Variants in TEX15 observed in about 807,000 individuals in gnomAD.
The protein encoded by TEX15 is testis expressed 15, meiosis and synapsis associated.
Under a neutral mutation model 237.3 loss-of-function variants are expected in TEX15, and 171 were observed. That is an observed-to-expected ratio of 0.72 (90% CI 0.64 to 0.82). The LOEUF (loss-of-function observed/expected upper bound fraction) is 0.82. TEX15 is among the 40% of genes least tolerant of loss of function. TEX15 has a pLI of 0.00. For missense variants in TEX15, 3,750 were observed against 3,646.5 expected (o/e 1.03, Z -0.73); for synonymous variants, 1,338 against 1,269.8 (o/e 1.05, Z -1.14).
intron 3 of TEX15, among the ~76,000 whole-genome samples, chr8:30,879,629 A>T (rs1475022663): frequency 1.3e-5 from 2 of 152,240 alleles, no homozygotes; most frequent in African/African-American, 4.8e-5. Flanking sequence ...TCTGTTCCAC[A>T]GATCTGTGTG....
chr8:30,843,382 A>AT lies in TEX15; in HGVS notation c.6784dup (p.Ile2262AsnfsTer12), dbSNP rs1281862344. ...GATATGTTCCAGACCATAAAGAGAT[A>AT]TTTTAACACGTACTGCCTCGTTGTT... is the stretch of plus-strand genomic sequence containing the variant. On this transcript the variant is annotated frameshift_variant, in exon 8 of 11. Coordinates refer to ENST00000643185, the MANE Select transcript of TEX15 (RefSeq NM_001350162.2). LOFTEE classifies it high-confidence loss of function. 6.2e-6 allele frequency: 10 copies of AT among 1,612,980 alleles called. No homozygotes were observed. The highest frequency in any genetic ancestry group is 2.2e-5 in the South Asian group (2 of 91,028).
chr8:30,888,460 A>G (rs971187399), intron 2 of TEX15, among the ~76,000 whole-genome samples: 1 of 152,028 alleles, frequency 6.6e-6, no homozygotes, highest in Non-Finnish European at 1.5e-5. Context: ...TATCAAAAAT[A>G]TTCCTCCCCT....
At chr8:30,909,828 A>G (rs980387618) in intron 1 of TEX15, among the ~76,000 whole-genome samples, 1 of 152,186 alleles carries the variant, frequency 6.6e-6, no homozygotes, top group Non-Finnish European at 1.5e-5. Flanking sequence ...AACGGAAAGA[A>G]GATGAGGTTA....
At chr8:30,863,437 A>G (rs917868734) in intron 5 of TEX15, among the ~76,000 whole-genome samples, 2 of 152,152 alleles carry the variant, frequency 1.3e-5, no homozygotes, top group African/African-American at 4.8e-5. Flanking sequence ...GTTCTTGGCC[A>G]CAATTTTTGT....
chr8:30,910,651 T>G (rs944571139), intron 1 of TEX15, among the ~76,000 whole-genome samples: 5 of 146,022 alleles, frequency 3.4e-5, no homozygotes, highest in African/African-American at 5.2e-5. Flanking sequence ...ACGGGGACTA[T>G]GTTGCCCCAG....
At chr8:30,838,153 G>C (rs1807355045) in intron 9 of TEX15, 92 bp from the exon 10 acceptor site, 1 of 1,153,022 alleles carries the variant, frequency 8.7e-7, no homozygotes, top group African/African-American at 1.6e-5. Context: ...TTTATCCAGG[G>C]GAAGAGTTCT....
In TEX15 at chr8:30,842,956, T is replaced by C. The variant is rs1426564462; in HGVS notation, c.7211A>G (p.Tyr2404Cys). 1.2e-6 allele frequency: 2 copies of C among 1,610,798 alleles called. No homozygotes were observed. The highest frequency in any genetic ancestry group is 2.2e-5 in the East Asian group (1 of 44,812). The stretch of plus-strand genomic sequence containing the variant: ...GTTATTATCTTGTAGCATCTGAAAG[T>C]ATTTTTTTAAAATTTCTAAGTGATC... ...CTDHLEILKK[Y>C]FQMLQDNNMD... The change falls in exon 8 of 11, where the codon TAC (tyrosine) becomes TGC (cysteine). Residue 2404 changes from tyrosine (Y) to cysteine (C), a missense_variant. Transcript: ENST00000643185.
rs774180079 is a variant in TEX15 at position 30,848,643 on chromosome 8, A to G, written c.1524T>C (p.Ser508=). Residue 508 remains serine (S), a synonymous_variant, in exon 8 of 11, where the codon TCT becomes TCC. Coordinates refer to ENST00000643185, the MANE Select transcript of TEX15 (RefSeq NM_001350162.2). ...CFKTSVNDSQ[S]WAHNMGSEDY... ...CCTCAGAGCCCATGTTGTGAGCCCA[A>G]GATTGTGAATCATTAACAGAAGTTT... 6.2e-7 allele frequency: 1 copy of G among 1,614,218 alleles called. No homozygotes were observed. Among genetic ancestry groups the G allele is most frequent in the South Asian group, 1.1e-5 (1 of 91,088 alleles).
chr8:30,849,073 A>T lies in TEX15; in HGVS notation c.1094T>A (p.Leu365Ter), dbSNP rs1451979616. 1 of 1,613,898 alleles carries T rather than the reference A, an allele frequency of 6.2e-7. No homozygotes were observed. Among genetic ancestry groups the T allele is most frequent in the Non-Finnish European group, 8.5e-7 (1 of 1,179,950 alleles). Reference sequence around the variant, plus strand: ...TTGAGAAGTGTCTCTAATTTCTGCTAAACTGTGCTCTGTCTGTCCACTGTA... The same window carrying T: ...TTGAGAAGTGTCTCTAATTTCTGCTTAACTGTGCTCTGTCTGTCCACTGTA... ...ETYSGQTEHS[L>*]AEIRDTSQVL... is the part of the protein sequence containing the mutation. The change falls in exon 8 of 11, where the codon TTA becomes TAA. Residue 365 changes from leucine to a stop codon, truncating the protein, a stop_gained. Coordinates refer to ENST00000643185, the MANE Select transcript of TEX15 (RefSeq NM_001350162.2). LOFTEE classifies it high-confidence loss of function.
At chr8:30,858,319 T>C (rs1807956817) in intron 7 of TEX15, among the ~76,000 whole-genome samples, 1 of 151,858 alleles carries the variant, frequency 6.6e-6, no homozygotes, top group Non-Finnish European at 1.5e-5. Context: ...TTTTCTTTTT[T>C]TTTTTTTGTT....
At chr8:30,857,538 T>C (rs563905900) in intron 7 of TEX15, among the ~76,000 whole-genome samples, 36 of 152,200 alleles carry the variant, frequency 2.4e-4, no homozygotes, top group Non-Finnish European at 3.1e-4. Flanking sequence ...CAATATCCAA[T>C]ATGTAAAAGA....
Position 30,837,845 on chromosome 8 carries a change from T to C in TEX15, c.8439A>G (p.Glu2813=). 3 of 1,614,158 alleles carry C rather than the reference T, an allele frequency of 1.9e-6. No individual in the cohort carries two copies. The highest frequency in any genetic ancestry group is 2.5e-6 in the Non-Finnish European group (3 of 1,180,030). ...VSSDHFSGQQ[E]NLNSMKKRNV... ...TTCTTTTCTTCATGCTATTTAAATTTTCCTGTTGTCCACTGAAGTGATCAG... is the reference window on the plus strand; with the variant it reads ...TTCTTTTCTTCATGCTATTTAAATTCTCCTGTTGTCCACTGAAGTGATCAG... Residue 2813 remains glutamate, a synonymous_variant, in exon 10 of 11, where the codon GAA becomes GAG. Transcript: ENST00000643185.
intron 4 of TEX15, among the ~76,000 whole-genome samples, chr8:30,869,531 C>T (rs1808245924): frequency 6.6e-6 from 1 of 151,932 alleles, no homozygotes; most frequent in Non-Finnish European, 1.5e-5. Flanking sequence ...TATACTAACT[C>T]CCCCCAAATT....
chr8:30,843,471 T>C lies in TEX15; in HGVS notation c.6696A>G (p.Pro2232=), dbSNP rs1205986151. The change falls in exon 8 of 11, where the codon CCA becomes CCG. Residue 2232 remains proline (P), a synonymous_variant. Coordinates refer to ENST00000643185, the MANE Select transcript of TEX15 (RefSeq NM_001350162.2). The part of the protein sequence containing the change: ...CGDSPKVHSY[P]GKQDHLWIII... Reference sequence around the variant, plus strand: ...TAATCCACAGATGGTCCTGTTTTCCTGGATACGAATGAACTTTAGGAGAGT... The same window carrying C: ...TAATCCACAGATGGTCCTGTTTTCCCGGATACGAATGAACTTTAGGAGAGT... 1.6e-5 allele frequency: 25 copies of C among 1,612,720 alleles called. No individual in the cohort carries two copies. The highest frequency in any genetic ancestry group is 2.0e-5 in the Non-Finnish European group (24 of 1,179,592).
intron 1 of TEX15, among the ~76,000 whole-genome samples, chr8:30,910,813 T>C (rs1015169654): frequency 2.0e-5 from 3 of 151,866 alleles, no homozygotes; most frequent in Admixed American, 6.6e-5. Context: ...CCCTCAAATT[T>C]TGACATCTTT....
chr8:30,895,574 C>T (rs1388408040), intron 2 of TEX15, among the ~76,000 whole-genome samples: 4 of 147,494 alleles, frequency 2.7e-5, no homozygotes, highest in Admixed American at 6.8e-5. Context: ...TTTTTTTTAA[C>T]GGAGCTCAGA....
chr8:30,877,202 T>C (rs1421328), intron 3 of TEX15, among the ~76,000 whole-genome samples: 14,881 of 152,226 alleles, frequency 0.098, 733 homozygotes, highest in Middle Eastern at 0.12. Flanking sequence ...AATGCATGCA[T>C]TGGGTAACTC....
chr8:30,907,090 C>T (rs145644742), intron 1 of TEX15, among the ~76,000 whole-genome samples: 2 of 152,128 alleles, frequency 1.3e-5, no homozygotes, highest in African/African-American at 4.8e-5. Flanking sequence ...TCCTAACCAC[C>T]ATTGCCCTAT....
In TEX15 at chr8:30,858,838, A is replaced by G; in HGVS notation, c.688-8T>C. 2 of 1,518,928 alleles carry G rather than the reference A, an allele frequency of 1.3e-6. No individual in the cohort carries two copies. The highest frequency in any genetic ancestry group is 1.4e-5 in the African/African-American group (1 of 72,008). 94.1% of individuals were successfully genotyped at this position (1,518,928 alleles called of 1,614,324 possible). ...GTATTCATAGAAGTACACCTGAAAG[A>G]TGAAAACAGGTTCATGCTGATTAAT... On this transcript the variant is annotated splice_polypyrimidine_tract_variant and splice_region_variant and intron_variant, in intron 6 of 10. Coordinates refer to ENST00000643185, the MANE Select transcript of TEX15 (RefSeq NM_001350162.2).
Sources: allele counts gnomAD v4.1 joint callset (sites outside exome capture counted in the v4.1 genomes callset), GRCh38; gene constraint gnomAD v4.1.1; transcripts MANE v1.5; gene names NCBI Gene and HGNC (gene_info 2026-07-23, HGNC 2026-07-21).